The following NEDD4L variants were observed in gnomAD, a reference collection of about 807,000 sequenced individuals.
The protein encoded by NEDD4L is E3 ubiquitin-protein ligase NEDD4-like.
A neutral mutation model predicts 148.9 loss-of-function variants in NEDD4L; 54 were observed. The ratio of observed to expected loss-of-function variants is 0.36; its 90% confidence interval spans 0.29 to 0.45. The LOEUF is 0.45. Among genes scored for constraint, NEDD4L ranks in the 20% least tolerant of loss-of-function variants. The pLI is 1.00. For synonymous variants in NEDD4L, 433 were observed against 440.7 expected, an observed-to-expected ratio of 0.98 and a Z score of 0.22; for missense variants, 856 against 1,233.8, an observed-to-expected ratio of 0.69 and a Z score of 4.59.
intron 1 of NEDD4L, among the ~76,000 whole-genome samples, chr18:58,069,050 C>T (rs970104523): frequency 1.3e-5 from 2 of 148,590 alleles, no homozygotes; most frequent in African/African-American, 2.5e-5. Context: ...GCACAAGAAT[C>T]GCTTGAACCT....
At chr18:58,202,547 C>A (rs901334100) in intron 2 of NEDD4L, among the ~76,000 whole-genome samples, 2 of 152,238 alleles carry the variant, frequency 1.3e-5, no homozygotes, top group East Asian at 3.8e-4. Flanking sequence ...CATGCAACAG[C>A]GGTTTGCAAA....
chr18:58,076,516 C>CTCCTGCT (rs1156538489), intron 1 of NEDD4L, among the ~76,000 whole-genome samples: 1 of 152,168 alleles, frequency 6.6e-6, no homozygotes, highest in Non-Finnish European at 1.5e-5. Flanking sequence ...CAAATGGTAG[C>CTCCTGCT]AGGACCACGT....
intron 9 of NEDD4L, among the ~76,000 whole-genome samples, chr18:58,327,395 C>T (rs1398387665): frequency 1.3e-5 from 2 of 152,194 alleles, no homozygotes; most frequent in African/African-American, 2.4e-5. Flanking sequence ...CCACGCCCGG[C>T]TGAAAAATGC....
Position 58,366,420 on chromosome 18 carries a change from G to A in NEDD4L, c.2063+192G>A, listed in dbSNP as rs903652114. Among the ~76,000 whole-genome samples the A allele has an allele frequency of 2.0e-5, 3 of 152,212 alleles. No individual in the cohort carries two copies. The highest frequency in any genetic ancestry group is 1.3e-4 in the Admixed American group (2 of 15,278). Reference sequence around the variant, plus strand: ...TACGTGGTGAAATAGTGTACTCTGCGAACATCTAACATTGATTTTTTTTCT... The same window carrying A: ...TACGTGGTGAAATAGTGTACTCTGCAAACATCTAACATTGATTTTTTTTCT... On this transcript the variant is annotated intron_variant, in intron 21 of 30. Coordinates refer to ENST00000400345, the MANE Select transcript of NEDD4L (RefSeq NM_001144967.3). This position sits in a 1 kb window ranked among gnomAD's most constrained non-coding sequence, Gnocchi z 4.2.
At chr18:58,231,207 C>T (rs1216403724) in intron 2 of NEDD4L, among the ~76,000 whole-genome samples, 2 of 141,022 alleles carry the variant, frequency 1.4e-5, no homozygotes, top group Admixed American at 1.5e-4. Flanking sequence ...TGTGCCACTG[C>T]AGCCTGGGTG....
chr18:58,263,783 G>A (rs943610817), intron 5 of NEDD4L, among the ~76,000 whole-genome samples: 1 of 151,670 alleles, frequency 6.6e-6, no homozygotes, highest in Non-Finnish European at 1.5e-5. Context: ...AGAAAAGGTG[G>A]GGTGGAACCA....
intron 2 of NEDD4L, among the ~76,000 whole-genome samples, chr18:58,220,446 A>G (rs1339466082): frequency 1.3e-5 from 2 of 150,158 alleles, no homozygotes; most frequent in Admixed American, 6.6e-5. Context: ...CCCTGTCTCC[A>G]GGAGGGTGAA....
At chr18:58,324,927 G>T (rs2059178368) in intron 8 of NEDD4L, 69 bp from the exon 9 acceptor site, 1 of 1,415,722 alleles carries the variant, frequency 7.1e-7, no homozygotes, top group Non-Finnish European at 9.8e-7. Context: ...TGCAGGGCAT[G>T]CTGTGATGAC....
chr18:58,386,849 T>C (rs908274208), intron 26 of NEDD4L, among the ~76,000 whole-genome samples: 1 of 152,172 alleles, frequency 6.6e-6, no homozygotes, highest in African/African-American at 2.4e-5. Context: ...CAGGTTTCAC[T>C]CTTTATTTAG....
intron 5 of NEDD4L, among the ~76,000 whole-genome samples, chr18:58,271,308 A>G (rs997674559): frequency 1.3e-5 from 2 of 152,196 alleles, no homozygotes; most frequent in African/African-American, 4.8e-5. Context: ...AAAATCAATA[A>G]AATGTATCCT....
rs368888932 is a variant in NEDD4L at position 58,252,009 on chromosome 18, A to G, written c.252A>G (p.Pro84=). The change falls in exon 5 of 31, where the codon CCA becomes CCG. Residue 84 remains proline (P), a synonymous_variant. Transcript: ENST00000400345. ...WNEEFYFRVN[P]SNHRLLFEVF... is the part of the protein sequence containing the mutation. ...ATTTATGTTCCTTATAGGTAAACCC[A>G]TCTAATCACAGACTCCTATTTGAAG... 147 of 1,571,906 alleles carry G rather than the reference A, an allele frequency of 9.4e-5. No homozygotes were observed. Among genetic ancestry groups the G allele is most frequent in the Non-Finnish European group, 1.2e-4 (141 of 1,141,780 alleles).
In NEDD4L at chr18:58,044,563, G is replaced by T; in HGVS notation, c.-98G>T. The stretch of plus-strand genomic sequence containing the variant: ...GCAGGGCGTGCGCAGGGTAGGGTGC[G>T]GGACCGGGGGGACCTGGAGGCAGAG... On this transcript the variant is annotated 5_prime_UTR_variant, in exon 1 of 31. Coordinates refer to ENST00000400345, the MANE Select transcript of NEDD4L (RefSeq NM_001144967.3). The T allele has an allele frequency of 7.2e-7, 1 of 1,385,476 alleles. No individual in the cohort carries two copies. The highest frequency in any genetic ancestry group is 1.7e-5 in the South Asian group (1 of 57,460). 85.8% of individuals were successfully genotyped at this position (1,385,476 alleles called of 1,614,324 possible).
intron 16 of NEDD4L, among the ~76,000 whole-genome samples, chr18:58,348,317 C>CTTTTTTTTCTT (rs2043363671): frequency 8.6e-6 from 1 of 115,884 alleles, no homozygotes; most frequent in Non-Finnish European, 1.7e-5. Context: ...ATTTCTTTTT[C>CTTTTTTTTCTT]TTTTTTTTCT....
chr18:58,195,541 G>A (rs1295519000), intron 2 of NEDD4L: 1 of 1,341,284 alleles, frequency 7.5e-7, no homozygotes, highest in Admixed American at 1.9e-5. Context: ...CGGCTGCAGA[G>A]CCCTGTCCAC....
chr18:58,271,645 C>A (rs2051055353), intron 5 of NEDD4L, among the ~76,000 whole-genome samples: 1 of 152,116 alleles, frequency 6.6e-6, no homozygotes, highest in African/African-American at 2.4e-5. Context: ...TTAACGAAAA[C>A]CAAATTATAA....
At chr18:58,306,623 C>G (rs8086947) in intron 5 of NEDD4L, among the ~76,000 whole-genome samples, 28,074 of 150,236 alleles carry the variant, frequency 0.19, 2,837 homozygotes, top group East Asian at 0.3. Flanking sequence ...GGGCAAGTTT[C>G]TTTCTTCTTT....
intron 2 of NEDD4L, among the ~76,000 whole-genome samples, chr18:58,241,610 G>C (rs530695364): frequency 6.6e-6 from 1 of 151,084 alleles, no homozygotes; most frequent in Non-Finnish European, 1.5e-5. Context: ...ACCCAGATTT[G>C]CACGGGAAGT....
chr18:58,256,587 A>C lies in NEDD4L; in HGVS notation c.297+4533A>C. ...CCTCGAGCTGGCAGGATGGCTCCTGAAATCCGCAGGACGAACTCCGCGGAG... is the reference window on the plus strand; with the variant it reads ...CCTCGAGCTGGCAGGATGGCTCCTGCAATCCGCAGGACGAACTCCGCGGAG... On this transcript the variant is annotated intron_variant, in intron 5 of 30. Coordinates refer to ENST00000400345, the MANE Select transcript of NEDD4L (RefSeq NM_001144967.3). This position sits in a 1 kb window ranked among gnomAD's most constrained non-coding sequence, Gnocchi z 5.2. 1 of 1,232,286 alleles carries C rather than the reference A, an allele frequency of 8.1e-7. No individual in the cohort carries two copies. The highest frequency in any genetic ancestry group is 1.0e-6 in the Non-Finnish European group (1 of 988,056). The allele number at this position is 1,232,286 out of a possible 1,614,324, so 76.3% of individuals were successfully genotyped here. A position where few individuals can be genotyped will look rare whatever the true frequency, so the allele number is the denominator to read the frequency against.
intron 2 of NEDD4L, among the ~76,000 whole-genome samples, chr18:58,242,344 G>A (rs775978588): frequency 6.6e-6 from 1 of 152,146 alleles, no homozygotes; most frequent in Non-Finnish European, 1.5e-5. Context: ...ATTTTCTCTG[G>A]TCTTTGCAAA....
Sources: gnomAD v4.1 joint callset for allele counts (sites outside exome capture counted in the v4.1 genomes callset) on GRCh38, gnomAD v4.1.1 for gene constraint, Gnocchi (gnomAD v3.1) non-coding constraint, MANE v1.5 for transcripts, NCBI Gene and HGNC (gene_info 2026-07-23, HGNC 2026-07-21) for gene names.